The following SLC35F1 variants were observed in gnomAD, a reference collection of about 807,000 sequenced individuals.
SLC35F1 encodes chromosome 6 open reading frame 169.
A neutral mutation model predicts 48.7 loss-of-function variants in SLC35F1; 14 were observed. That is an observed-to-expected ratio of 0.29 (90% CI 0.19 to 0.45). SLC35F1 has a LOEUF of 0.45. SLC35F1 is among the 20% of genes least tolerant of loss of function. SLC35F1 has a pLI of 1.00. For synonymous variants in SLC35F1, 190 were observed against 202.2 expected, an observed-to-expected ratio of 0.94 and a Z score of 0.51; for missense variants, 404 against 500.0, an observed-to-expected ratio of 0.81 and a Z score of 1.83.
intron 1 of SLC35F1, among the ~76,000 whole-genome samples, chr6:118,105,882 A>G (rs1377082640): frequency 6.6e-6 from 1 of 152,200 alleles, no homozygotes; most frequent in East Asian, 1.9e-4. Flanking sequence ...AGATAGTATG[A>G]TGACCTTATT....
chr6:118,213,058 A>C (rs1316571726), intron 2 of SLC35F1, among the ~76,000 whole-genome samples: 1 of 152,198 alleles, frequency 6.6e-6, no homozygotes, highest in Non-Finnish European at 1.5e-5. Context: ...AAGTTGAGGC[A>C]AGTTTGAATC....
intron 7 of SLC35F1, among the ~76,000 whole-genome samples, chr6:118,296,416 A>T (rs1172574889): frequency 6.6e-6 from 1 of 152,198 alleles, no homozygotes; most frequent in Non-Finnish European, 1.5e-5. Context: ...ACTCAGTCAC[A>T]TGGCCACACC....
chr6:118,291,619 G>C (rs867920920), intron 7 of SLC35F1, among the ~76,000 whole-genome samples: 9 of 152,068 alleles, frequency 5.9e-5, no homozygotes, highest in Admixed American at 2.0e-4. Flanking sequence ...AGTTAATGCC[G>C]CCGCTGCCTT....
intron 1 of SLC35F1, among the ~76,000 whole-genome samples, chr6:118,086,294 G>T (rs1772988940): frequency 6.6e-6 from 1 of 152,316 alleles, no homozygotes; most frequent in South Asian, 2.1e-4. Context: ...AGGCCAGGCT[G>T]TGCCTGTCTT....
At chr6:118,114,492 C>G (rs1308969299) in intron 1 of SLC35F1, among the ~76,000 whole-genome samples, 1 of 151,946 alleles carries the variant, frequency 6.6e-6, no homozygotes, top group Non-Finnish European at 1.5e-5. Flanking sequence ...AGTCTTTCCC[C>G]CACAGCTTTT....
intron 1 of SLC35F1, among the ~76,000 whole-genome samples, chr6:118,104,707 G>A (rs1773306013): frequency 6.6e-6 from 1 of 152,144 alleles, no homozygotes; most frequent in Admixed American, 6.6e-5. Context: ...CTTGAAGATA[G>A]GAGCTGCAAT....
intron 6 of SLC35F1, among the ~76,000 whole-genome samples, chr6:118,278,837 T>C (rs1427974670): frequency 6.6e-6 from 1 of 152,254 alleles, no homozygotes; most frequent in Non-Finnish European, 1.5e-5. Flanking sequence ...TTTATATTGA[T>C]GGTAATAGTA....
chr6:117,944,654 G>T (rs151131090), intron 1 of SLC35F1, among the ~76,000 whole-genome samples: 11 of 148,958 alleles, frequency 7.4e-5, no homozygotes, highest in African/African-American at 2.5e-4. Context: ...CACATGATAC[G>T]TATTAGTTGA....
intron 2 of SLC35F1, among the ~76,000 whole-genome samples, chr6:118,227,270 A>G (rs1775230974): frequency 6.6e-6 from 1 of 152,232 alleles, no homozygotes; most frequent in Non-Finnish European, 1.5e-5. Context: ...ACTACTTTTC[A>G]GAGCAAGAAC....
chr6:117,994,243 A>T (rs919754041), intron 1 of SLC35F1, among the ~76,000 whole-genome samples: 4 of 151,890 alleles, frequency 2.6e-5, no homozygotes, highest in African/African-American at 4.8e-5. Context: ...TGCTGAGAAC[A>T]TTATACTTTA....
At chr6:118,229,672 G>T (rs1290539363) in intron 2 of SLC35F1, among the ~76,000 whole-genome samples, 1 of 152,134 alleles carries the variant, frequency 6.6e-6, no homozygotes, top group African/African-American at 2.4e-5. Context: ...ACTCCTACAG[G>T]TCTCATTCTT....
intron 1 of SLC35F1, among the ~76,000 whole-genome samples, chr6:118,057,479 G>A (rs1772478808): frequency 6.6e-6 from 1 of 152,120 alleles, no homozygotes; most frequent in East Asian, 1.9e-4. Flanking sequence ...CAGATGAGTT[G>A]TATGGTGAAA....
intron 1 of SLC35F1, among the ~76,000 whole-genome samples, chr6:118,115,936 T>C (rs1773470963): frequency 6.6e-6 from 1 of 152,202 alleles, no homozygotes; most frequent in Non-Finnish European, 1.5e-5. Flanking sequence ...ACATAAAACA[T>C]CAACTTCCCT....
rs575025143 is a variant in SLC35F1 at position 118,192,896 on chromosome 6, A to G, written c.349+38276A>G. Among the ~76,000 whole-genome samples the G allele has an allele frequency of 6.8e-4, 104 of 152,286 alleles. No homozygotes were observed. In the Middle Eastern group the frequency reaches 0.014, roughly 20 times the overall value. Reference sequence around the variant, plus strand: ...AATTTGATTTTGGGAAGCCCATCAAATATATTAAAGGTTTGAAACACTTGA... The same window carrying G: ...AATTTGATTTTGGGAAGCCCATCAAGTATATTAAAGGTTTGAAACACTTGA... On this transcript the variant is annotated intron_variant, in intron 2 of 7. Coordinates refer to ENST00000360388, the MANE Select transcript of SLC35F1 (RefSeq NM_001029858.4).
chr6:117,979,037 G>A (rs1776741330), intron 1 of SLC35F1, among the ~76,000 whole-genome samples: 1 of 152,172 alleles, frequency 6.6e-6, no homozygotes, highest in Admixed American at 6.5e-5. Context: ...TTCCCCGCAT[G>A]CCTAGTGTTA....
rs796336509 is a variant in SLC35F1 at position 118,098,596 on chromosome 6, C to CT, written c.174-55842dup. ...ATCTTCCTTGGCTCCTGTCTTATGT[C>CT]TTTTTTTATAATTCCCTCTTTGTGT... On this transcript the variant is annotated intron_variant, in intron 1 of 7. Coordinates refer to ENST00000360388, the MANE Select transcript of SLC35F1 (RefSeq NM_001029858.4). Among the ~76,000 whole-genome samples the CT allele has an allele frequency of 3.3e-5, 5 of 152,180 alleles. No individual in the cohort carries two copies. In the South Asian group the frequency reaches 8.3e-4, roughly 25 times the overall value.
rs1350213561 is a variant in SLC35F1, at chr6:118,049,046, C to T, written c.174-105399C>T. Among the ~76,000 whole-genome samples the T allele has an allele frequency of 2.6e-5, 4 of 152,094 alleles. No individual in the cohort carries two copies. The East Asian group carries it at 7.7e-4, about 29-fold the overall frequency. On this transcript the variant is annotated intron_variant, in intron 1 of 7. Coordinates refer to ENST00000360388, the MANE Select transcript of SLC35F1 (RefSeq NM_001029858.4). ...GATCAATGGAACAGAACAGAGCCCT[C>T]AGAAATAATGCCGCATATCTACAAC...
intron 1 of SLC35F1, among the ~76,000 whole-genome samples, chr6:118,080,054 T>C (rs557999607): frequency 6.6e-6 from 1 of 152,322 alleles, no homozygotes; most frequent in South Asian, 2.1e-4. Context: ...TTCAAAACTG[T>C]TACCTCACTG....
At chr6:118,082,636 A>T (rs1485234941) in intron 1 of SLC35F1, among the ~76,000 whole-genome samples, 1 of 151,822 alleles carries the variant, frequency 6.6e-6, no homozygotes, top group African/African-American at 2.4e-5. Flanking sequence ...CTTCTGGGAT[A>T]GCTGGATCCA....
Sources: allele counts gnomAD v4.1 joint callset (sites outside exome capture counted in the v4.1 genomes callset), GRCh38; gene constraint gnomAD v4.1.1; transcripts MANE v1.5; gene names NCBI Gene and HGNC (gene_info 2026-07-23, HGNC 2026-07-21).